MREG: variants seen among roughly 807,000 people sequenced by gnomAD.
MREG encodes the protein melanoregulin, also known as dilute suppressor protein homolog.
MREG carries 31 observed loss-of-function variants against 28.5 expected under a neutral mutation model. That is an observed-to-expected ratio of 1.09 (90% CI 0.82 to 1.47). MREG has a LOEUF of 1.47. Ranked by LOEUF, MREG falls within the 40% of genes most tolerant of loss-of-function variation. The probability of loss-of-function intolerance (pLI) is 0.00; values close to 1 mark genes in which losing one functional copy is unlikely to be tolerated. For missense variants in MREG, 256 were observed against 257.4 expected, an observed-to-expected ratio of 0.99 and a Z score of 0.04; for synonymous variants, 106 against 95.2, an observed-to-expected ratio of 1.11 and a Z score of -0.66.
At position 216,013,510 on chromosome 2, in the gene MREG, C is replaced by T. The variant is rs1416824826; in HGVS notation, c.-183G>A. 4 of 183,734 alleles carry T rather than the reference C, an allele frequency of 2.2e-5. No individual in the cohort carries two copies. Among genetic ancestry groups the T allele is most frequent in the Admixed American group, 6.2e-5 (1 of 16,254 alleles). The allele number at this position is 183,734 out of a possible 1,614,324, so 11.4% of individuals were successfully genotyped here. On this transcript the variant is annotated 5_prime_UTR_variant, in exon 1 of 5. Coordinates refer to ENST00000263268, the MANE Select transcript of MREG (RefSeq NM_018000.3). The stretch of plus-strand genomic sequence containing the variant: ...GGACGCGGGCGAGGGCTGCAGGCCG[C>T]GCGCCCTCCTCTCCTTGCGTTTTGT...
At chr2:216,005,444 C>CTTTTTTTTTTTTTTTTTTTTTTTTTT (rs58288878) in intron 1 of MREG, among the ~76,000 whole-genome samples, 1 of 86,306 alleles carries the variant, frequency 1.2e-5, no homozygotes, top group Non-Finnish European at 2.4e-5. Flanking sequence ...TCTAGTTATT[C>CTTTTTTTTTTTTTTTTTTTTTTTTTT]TTTTTTTTTT....
intron 1 of MREG, among the ~76,000 whole-genome samples, chr2:216,030,630 G>A (rs537697883): frequency 1.6e-4 from 24 of 151,584 alleles, no homozygotes; most frequent in African/African-American, 4.8e-4. Flanking sequence ...TGCAACCTCC[G>A]CCCCCAGGTT....
chr2:215,944,796 T>A lies in MREG; in HGVS notation c.*67A>T. The A allele has an allele frequency of 6.8e-7, 1 of 1,468,944 alleles. No homozygotes were observed. The highest frequency in any genetic ancestry group is 9.2e-7 in the Non-Finnish European group (1 of 1,083,058). 91.0% of individuals were successfully genotyped at this position (1,468,944 alleles called of 1,614,324 possible). Reference sequence around the variant, plus strand: ...TTTGCTCACTCTCTTCTACATGTAATTGTCCAACTTTGGTTGACTGCTGAG... The same window carrying A: ...TTTGCTCACTCTCTTCTACATGTAAATGTCCAACTTTGGTTGACTGCTGAG... On this transcript the variant is annotated 3_prime_UTR_variant, in exon 5 of 5. Coordinates refer to ENST00000263268, the MANE Select transcript of MREG (RefSeq NM_018000.3).
intron 2 of MREG, among the ~76,000 whole-genome samples, chr2:215,992,699 A>G (rs1268337498): frequency 6.6e-6 from 1 of 152,238 alleles, no homozygotes; most frequent in African/African-American, 2.4e-5. Flanking sequence ...TTAAGCTGAT[A>G]AGCAACTTCA....
chr2:215,960,415 TG>T (rs1470553032), intron 2 of MREG, among the ~76,000 whole-genome samples: 1 of 152,210 alleles, frequency 6.6e-6, no homozygotes, highest in Non-Finnish European at 1.5e-5. Context: ...TGATGATGCA[TG>T]TAAAAGCCAA....
chr2:215,974,848 ACACACTCT>A (rs1179743878), intron 2 of MREG, among the ~76,000 whole-genome samples: 1 of 136,536 alleles, frequency 7.3e-6, no homozygotes, highest in Non-Finnish European at 1.6e-5. Context: ...ACACACACAC[ACACACTCT>A]CTCTCTCTCT....
intron 2 of MREG, among the ~76,000 whole-genome samples, chr2:215,955,201 T>C (rs925225211): frequency 2.0e-5 from 3 of 152,222 alleles, no homozygotes; most frequent in Non-Finnish European, 4.4e-5. Context: ...GTCAAAAATG[T>C]AAGATTTGGG....
At chr2:215,998,320 A>ATAAT (rs1288861522) in intron 1 of MREG, among the ~76,000 whole-genome samples, 87 of 138,904 alleles carry the variant, frequency 6.3e-4, no homozygotes, top group African/African-American at 2.3e-3. Context: ...AAAAAAAAAA[A>ATAAT]AATAATAATA....
At chr2:216,029,442 C>T (rs1694646497) in intron 1 of MREG, among the ~76,000 whole-genome samples, 2 of 149,058 alleles carry the variant, frequency 1.3e-5, no homozygotes, top group East Asian at 4.0e-4. Flanking sequence ...CACGCCACTG[C>T]ACTCCGCCTG....
At chr2:215,997,765 G>T (rs1034576904) in intron 1 of MREG, among the ~76,000 whole-genome samples, 10 of 152,270 alleles carry the variant, frequency 6.6e-5, no homozygotes, top group Admixed American at 6.5e-4. Context: ...GCTTTAAGTG[G>T]AAAAACAAGA....
chr2:215,950,836 C>T (rs1018884365), intron 2 of MREG, among the ~76,000 whole-genome samples: 6 of 152,104 alleles, frequency 3.9e-5, no homozygotes, highest in African/African-American at 7.2e-5. Context: ...AATCTCATGT[C>T]GAATTGTAAT....
At position 215,947,045 on chromosome 2, in the gene MREG, C is replaced by T. The variant is rs376658723; in HGVS notation, c.324G>A (p.Trp108Ter). Reference sequence around the variant, plus strand: ...TACCTAAATCTTCTAAGATGCACTTCCATCTGTTTCTTACTTCCCTTCGAA... The same window carrying T: ...TACCTAAATCTTCTAAGATGCACTTTCATCTGTTTCTTACTTCCCTTCGAA... The part of the protein sequence containing the change: ...RQVRREVRNR[W>*]KCILEDLGFQ... The change falls in exon 3 of 5, where the codon TGG (tryptophan) becomes TGA (stop). Residue 108 changes from tryptophan to a stop codon, truncating the protein, a stop_gained. Transcript: ENST00000263268. LOFTEE classifies it high-confidence loss of function. The T allele has an allele frequency of 1.2e-6, 2 of 1,607,368 alleles. No individual in the cohort carries two copies. Among genetic ancestry groups the T allele is most frequent in the Non-Finnish European group, 8.5e-7 (1 of 1,174,168 alleles).
chr2:215,991,905 T>C (rs1027979875), intron 2 of MREG, among the ~76,000 whole-genome samples: 1 of 152,148 alleles, frequency 6.6e-6, no homozygotes, highest in Non-Finnish European at 1.5e-5. Context: ...CAGTAATTAA[T>C]AGCCTACCAA....
intron 2 of MREG, among the ~76,000 whole-genome samples, chr2:215,974,854 TCTCTC>T (rs1693205630): frequency 7.5e-6 from 1 of 133,320 alleles, no homozygotes; most frequent in African/African-American, 3.1e-5. Context: ...ACACACACAC[TCTCTC>T]TCTCTCTCTC....
chr2:215,962,596 G>A (rs910327071), intron 2 of MREG, among the ~76,000 whole-genome samples: 2 of 152,306 alleles, frequency 1.3e-5, no homozygotes, highest in South Asian at 4.1e-4. Context: ...TAGCCAATTC[G>A]TTCAATTAGT....
chr2:215,986,903 C>A (rs1305714859), intron 2 of MREG, among the ~76,000 whole-genome samples: 5 of 152,186 alleles, frequency 3.3e-5, no homozygotes, highest in Admixed American at 3.3e-4. Flanking sequence ...AGCACTGTCA[C>A]AATTCCAACA....
intron 2 of MREG, among the ~76,000 whole-genome samples, chr2:215,971,996 T>G (rs1454814354): frequency 6.6e-6 from 1 of 152,174 alleles, no homozygotes; most frequent in Non-Finnish European, 1.5e-5. Context: ...CTCCAAGATA[T>G]GCCAGGTGCT....
At chr2:216,020,105 A>G (rs1315441107) in intron 1 of MREG, among the ~76,000 whole-genome samples, 1 of 152,136 alleles carries the variant, frequency 6.6e-6, no homozygotes, top group Non-Finnish European at 1.5e-5. Flanking sequence ...TGGCTCTTTC[A>G]GCCCTTCCAT....
intron 2 of MREG, among the ~76,000 whole-genome samples, chr2:215,993,409 C>T (rs1036637462): frequency 3.3e-5 from 5 of 152,156 alleles, no homozygotes; most frequent in Non-Finnish European, 5.9e-5. Context: ...ATACCTTACA[C>T]AAAAATTAAC....
Sources: gnomAD v4.1 joint callset for allele counts (sites outside exome capture counted in the v4.1 genomes callset) on GRCh38, gnomAD v4.1.1 for gene constraint, MANE v1.5 for transcripts, NCBI Gene and HGNC (gene_info 2026-07-23, HGNC 2026-07-21) for gene names.